PCDHGB1: variants seen among roughly 807,000 people sequenced by gnomAD.
PCDHGB1 encodes protocadherin gamma subfamily B, 1.
A neutral mutation model predicts 56.6 loss-of-function variants in PCDHGB1; 34 were observed. That is an observed-to-expected ratio of 0.60 (90% confidence interval 0.46 to 0.80). PCDHGB1 has a LOEUF of 0.80. PCDHGB1 is among the 30% of genes least tolerant of loss of function. PCDHGB1 has a pLI of 0.00. For synonymous variants in PCDHGB1, 561 were observed against 505.9 expected (o/e 1.11, Z -1.46); for missense variants, 1,278 against 1,204.6 (o/e 1.06, Z -0.90).
intron 1 of PCDHGB1, among the ~76,000 whole-genome samples, chr5:141,488,600 A>G (rs2099677400): frequency 6.6e-6 from 1 of 152,166 alleles, no homozygotes; most frequent in Admixed American, 6.5e-5. Flanking sequence ...AAGACTTTAC[A>G]AGGTTCTTAC....
intron 1 of PCDHGB1, chr5:141,376,588 T>A: frequency 6.3e-7 from 1 of 1,575,434 alleles, no homozygotes; most frequent in South Asian, 1.2e-5. Flanking sequence ...ATCAGCTAGA[T>A]CGGCTGTTAT....
chr5:141,506,516 G>A (rs2099854579), intron 3 of PCDHGB1, among the ~76,000 whole-genome samples: 1 of 151,324 alleles, frequency 6.6e-6, no homozygotes, highest in Non-Finnish European at 1.5e-5. Flanking sequence ...CTGGCACCTG[G>A]CACCACCACT....
chr5:141,418,360 G>T (rs544948410), intron 1 of PCDHGB1: 4 of 1,613,990 alleles, frequency 2.5e-6, no homozygotes, highest in Non-Finnish European at 3.4e-6. Flanking sequence ...TGAATTCGCT[G>T]AGCAAATACC....
chr5:141,404,533 T>A, intron 1 of PCDHGB1: 2 of 1,613,926 alleles, frequency 1.2e-6, no homozygotes. Flanking sequence ...AGTTTAGAGA[T>A]TTGCAAATGC....
chr5:141,433,547 C>G (rs2097621028), intron 1 of PCDHGB1, among the ~76,000 whole-genome samples: 1 of 152,086 alleles, frequency 6.6e-6, no homozygotes, highest in South Asian at 2.1e-4. Context: ...ATCAGATATT[C>G]TTTTCTGGCT....
intron 1 of PCDHGB1, chr5:141,421,138 G>T (rs2096548427): frequency 1.1e-6 from 1 of 899,466 alleles, no homozygotes. Context: ...ATATATTTTG[G>T]ATGTAGTCGG....
Position 141,350,333 on chromosome 5 carries a change from G to A in PCDHGB1, c.73G>A (p.Gly25Arg), listed in dbSNP as rs768228050. 15 of 1,537,750 alleles carry A rather than the reference G, an allele frequency of 9.8e-6. No homozygotes were observed. Among genetic ancestry groups the A allele is most frequent in the Non-Finnish European group, 1.2e-5 (14 of 1,144,068 alleles). ...LFPFLLSLFC[G>R]AISQQIRYTI... The stretch of plus-strand genomic sequence containing the variant: ...TCCCTTCCTGCTGTCTTTGTTCTGC[G>A]GGGCCATCTCCCAGCAGATCCGATA... Residue 25 changes from glycine to arginine, a missense_variant, in exon 1 of 4, where the codon GGG becomes AGG. Gly to Arg is a moderately radical substitution (Grantham distance 125, BLOSUM62 -2). Transcript: ENST00000523390.
In PCDHGB1 at chr5:141,408,093, G is replaced by C. The variant is rs533105778; in HGVS notation, c.2409+55424G>C. On this transcript the variant is annotated intron_variant, in intron 1 of 3. Transcript: ENST00000523390. ...CCTTTCCCAGCACAGCGGATTGCCA[G>C]CTCCGAGACCCGGGACTCCTCCTGT... The C allele has an allele frequency of 7.0e-6, 10 of 1,429,954 alleles. No homozygotes were observed. In the Admixed American group the frequency reaches 1.4e-4, roughly 20 times the overall value. 88.6% of individuals were successfully genotyped at this position (1,429,954 alleles called of 1,614,324 possible).
chr5:141,382,961 G>A (rs749724133), intron 1 of PCDHGB1: 14 of 1,607,564 alleles, frequency 8.7e-6, no homozygotes, highest in Non-Finnish European at 1.2e-5. Flanking sequence ...ATCCTCCTGG[G>A]GACCCCCTGG....
intron 2 of PCDHGB1, among the ~76,000 whole-genome samples, chr5:141,502,564 C>T (rs2099815067): frequency 1.3e-5 from 2 of 151,774 alleles, no homozygotes; most frequent in East Asian, 1.9e-4. Context: ...CCAGATCTCT[C>T]CATTATAAAA....
intron 1 of PCDHGB1, among the ~76,000 whole-genome samples, chr5:141,449,422 C>A (rs1041930577): frequency 4.0e-5 from 6 of 151,724 alleles, no homozygotes; most frequent in Non-Finnish European, 7.4e-5. Flanking sequence ...GCCTGGCCAA[C>A]ATGATAAAAC....
rs746539261 is a variant in PCDHGB1, at chr5:141,415,336, C to A, written c.2409+62667C>A. On this transcript the variant is annotated intron_variant, in intron 1 of 3. Transcript: ENST00000523390. ...CATCGTGCTGCTGGCGCACAGGCTG[C>A]GGCGCTGGCACAAGTCACGCCTGCT... 7 of 1,614,200 alleles carry A rather than the reference C, an allele frequency of 4.3e-6. 1 individual carries two copies. The South Asian group carries it at 7.7e-5, about 18-fold the overall frequency.
chr5:141,408,211 G>A (rs1285774248), intron 1 of PCDHGB1: 1 of 1,554,426 alleles, frequency 6.4e-7, no homozygotes, highest in South Asian at 1.2e-5. Flanking sequence ...CGATGGGAGG[G>A]AGCTGCGCGC....
Position 141,417,818 on chromosome 5 carries a change from C to T in PCDHGB1, c.2409+65149C>T, listed in dbSNP as rs59981184. 5.7e-4 allele frequency: 859 copies of T among 1,512,530 alleles called. 1 individual carries two copies. The African/African-American group carries it at 0.011, about 19-fold the overall frequency. 93.7% of individuals were successfully genotyped at this position (1,512,530 alleles called of 1,614,324 possible). On this transcript the variant is annotated intron_variant, in intron 1 of 3. Coordinates refer to ENST00000523390, the MANE Select transcript of PCDHGB1 (RefSeq NM_018922.3). ...TTTAGCGCGGTAGAGTGCACTTTCTCCAACTGGAAAAGCGGGGACCCAGCG... is the reference window on the plus strand; with the variant it reads ...TTTAGCGCGGTAGAGTGCACTTTCTTCAACTGGAAAAGCGGGGACCCAGCG...
chr5:141,370,781 C>T (rs774285137), intron 1 of PCDHGB1: 16 of 1,613,898 alleles, frequency 9.9e-6, no homozygotes, highest in Non-Finnish European at 1.3e-5. Context: ...TTAACGACAA[C>T]CCACCGACCT....
At chr5:141,353,216 A>T (rs971443736) in intron 1 of PCDHGB1, among the ~76,000 whole-genome samples, 1 of 152,170 alleles carries the variant, frequency 6.6e-6, no homozygotes, top group African/African-American at 2.4e-5. Context: ...TGTTTCCTAG[A>T]TGTTAACACT....
intron 1 of PCDHGB1, chr5:141,416,827 T>A (rs981344540): frequency 1.2e-4 from 18 of 152,268 alleles, no homozygotes; most frequent in African/African-American, 3.9e-4. Context: ...CCGAAGTTTC[T>A]CAAGACCCTT....
chr5:141,476,743 T>A lies in PCDHGB1; in HGVS notation c.2410-18064T>A. On this transcript the variant is annotated intron_variant, in intron 1 of 3. Coordinates refer to ENST00000523390, the MANE Select transcript of PCDHGB1 (RefSeq NM_018922.3). The surrounding 1 kb of genome is among the most constrained non-coding windows in gnomAD (Gnocchi z 7.6). ...CCCTGGACCGAGAACGGGAGCCTAG[T>A]CTCCAGTTAGTGCTGACGGCGTTGG... is the stretch of plus-strand genomic sequence containing the variant. The A allele has an allele frequency of 6.2e-7, 1 of 1,613,932 alleles. No individual in the cohort carries two copies. The highest frequency in any genetic ancestry group is 1.1e-5 in the South Asian group (1 of 91,064).
At chr5:141,429,597 G>A (rs937301997) in intron 1 of PCDHGB1, among the ~76,000 whole-genome samples, 2 of 152,094 alleles carry the variant, frequency 1.3e-5, no homozygotes, top group Non-Finnish European at 2.9e-5. Flanking sequence ...TGTAATTCAA[G>A]TAAACTCAAT....
Sources: gnomAD v4.1 joint callset for allele counts (sites outside exome capture counted in the v4.1 genomes callset) on GRCh38, gnomAD v4.1.1 for gene constraint, Gnocchi (gnomAD v3.1) non-coding constraint, MANE v1.5 for transcripts, NCBI Gene and HGNC (gene_info 2026-07-23, HGNC 2026-07-21) for gene names.